The following CNTN5 variants were observed in gnomAD, a reference collection of about 807,000 sequenced individuals.
CNTN5 encodes contactin 5.
In CNTN5, 77 loss-of-function variants were observed where a neutral mutation model predicts 129.1. The ratio of observed to expected loss-of-function variants is 0.60; its 90% CI spans 0.50 to 0.72. The LOEUF (loss-of-function observed/expected upper bound fraction) is 0.72, where lower values mean the gene tolerates loss of function less well. CNTN5 is among the 30% of genes least tolerant of loss of function. The probability of loss-of-function intolerance (pLI) is 0.00; values close to 1 mark genes in which losing one functional copy is unlikely to be tolerated. For synonymous variants in CNTN5, 509 were observed against 465.6 expected (o/e 1.09, Z -1.20); for missense variants, 1,478 against 1,328.8 (o/e 1.11, Z -1.75).
chr11:99,834,488 C>T (rs1591279443), intron 4 of CNTN5, among the ~76,000 whole-genome samples: 2 of 152,182 alleles, frequency 1.3e-5, no homozygotes, highest in East Asian at 3.9e-4. Context: ...ATTGTGCCAG[C>T]CTGGATGACG....
intron 4 of CNTN5, among the ~76,000 whole-genome samples, chr11:99,827,577 G>GC (rs1947004452): frequency 6.6e-6 from 1 of 152,144 alleles, no homozygotes; most frequent in South Asian, 2.1e-4. Context: ...AGAAACATGA[G>GC]CAGCATATAG....
chr11:99,884,034 C>T (rs2135871168), intron 6 of CNTN5, among the ~76,000 whole-genome samples: 1 of 152,236 alleles, frequency 6.6e-6, no homozygotes, highest in South Asian at 2.1e-4. Context: ...CTTTAGTGTT[C>T]AAACAAGTTG....
chr11:99,598,551 T>C (rs1950217346), intron 3 of CNTN5, among the ~76,000 whole-genome samples: 1 of 151,394 alleles, frequency 6.6e-6, no homozygotes, highest in Non-Finnish European at 1.5e-5. Context: ...CTCCTTAATA[T>C]CTTAAGGGAG....
chr11:99,881,107 G>T (rs1238809635), intron 6 of CNTN5, among the ~76,000 whole-genome samples: 8 of 152,174 alleles, frequency 5.3e-5, no homozygotes, highest in Non-Finnish European at 1.2e-4. Flanking sequence ...CAGACAGATT[G>T]TGCAGTAGCA....
chr11:99,056,575 T>C (rs1167873093), intron 1 of CNTN5, among the ~76,000 whole-genome samples: 6 of 152,004 alleles, frequency 3.9e-5, no homozygotes, highest in Non-Finnish European at 7.4e-5. Flanking sequence ...TAATAATTTT[T>C]AGAAATGCCT....
chr11:99,601,807 C>T (rs1950320277), intron 3 of CNTN5, among the ~76,000 whole-genome samples: 1 of 152,164 alleles, frequency 6.6e-6, no homozygotes, highest in Non-Finnish European at 1.5e-5. Flanking sequence ...GGCAACTAGC[C>T]ATAAAAGACT....
intron 17 of CNTN5, among the ~76,000 whole-genome samples, chr11:100,263,987 C>T (rs1266364563): frequency 2.0e-5 from 3 of 152,102 alleles, no homozygotes; most frequent in Non-Finnish European, 2.9e-5. Context: ...ATCCATGCTT[C>T]GCTAGTTACA....
At chr11:99,871,129 A>T (rs1948493827) in intron 6 of CNTN5, among the ~76,000 whole-genome samples, 1 of 152,100 alleles carries the variant, frequency 6.6e-6, no homozygotes, top group African/African-American at 2.4e-5. Context: ...ACATGTTATT[A>T]CTATTGTTGA....
At chr11:99,806,786 G>A (rs554731919) in intron 3 of CNTN5, among the ~76,000 whole-genome samples, 1 of 141,246 alleles carries the variant, frequency 7.1e-6, no homozygotes, top group African/African-American at 2.7e-5. Flanking sequence ...CAGCCTGGGC[G>A]ACAGAGCAAG....
intron 16 of CNTN5, among the ~76,000 whole-genome samples, chr11:100,239,952 T>G (rs186196767): frequency 6.6e-6 from 1 of 152,360 alleles, no homozygotes; most frequent in Admixed American, 6.5e-5. Flanking sequence ...ATATAATTAT[T>G]TCTTTCATAC....
At chr11:99,101,700 C>G (rs1866741880) in intron 1 of CNTN5, among the ~76,000 whole-genome samples, 1 of 152,198 alleles carries the variant, frequency 6.6e-6, no homozygotes, top group South Asian at 2.1e-4. Context: ...GCTCCCATGA[C>G]CTTGGGCAGC....
intron 6 of CNTN5, among the ~76,000 whole-genome samples, chr11:99,909,435 A>G (rs1290820587): frequency 1.3e-5 from 2 of 152,132 alleles, no homozygotes; most frequent in African/African-American, 4.8e-5. Flanking sequence ...TAGAAATACC[A>G]TTTGACTCAA....
chr11:99,857,414 T>A (rs952606039), intron 6 of CNTN5, among the ~76,000 whole-genome samples: 1 of 152,120 alleles, frequency 6.6e-6, no homozygotes, highest in East Asian at 1.9e-4. Context: ...ATGAGAAGAA[T>A]GATTTCTTAG....
At chr11:99,455,361 G>A (rs961808849) in intron 2 of CNTN5, among the ~76,000 whole-genome samples, 1 of 151,746 alleles carries the variant, frequency 6.6e-6, no homozygotes, top group Non-Finnish European at 1.5e-5. Flanking sequence ...GACATTCAGT[G>A]GGCAACTAGA....
chr11:100,122,624 G>A (rs1193929814), intron 13 of CNTN5, among the ~76,000 whole-genome samples: 2 of 152,004 alleles, frequency 1.3e-5, no homozygotes, highest in Non-Finnish European at 2.9e-5. Flanking sequence ...TGGGGAGGAT[G>A]CTCTTAAGCA....
intron 1 of CNTN5, among the ~76,000 whole-genome samples, chr11:99,217,354 G>A (rs1860182631): frequency 6.6e-6 from 1 of 152,106 alleles, no homozygotes; most frequent in African/African-American, 2.4e-5. Flanking sequence ...AATTATCAGA[G>A]AATGCTGATC....
rs562285600 is a variant in CNTN5, at chr11:100,318,730, C to T, written c.2730+10262C>T. On this transcript the variant is annotated intron_variant, in intron 21 of 24. Coordinates refer to ENST00000524871, the MANE Select transcript of CNTN5 (RefSeq NM_014361.4). ...ACAATGTACTTGTGATAGAGGAGTACTAAATCTATGAGTGTTGCACAGATA... is the reference window on the plus strand; with the variant it reads ...ACAATGTACTTGTGATAGAGGAGTATTAAATCTATGAGTGTTGCACAGATA... 2.0e-5 allele frequency among the ~76,000 whole-genome samples: 3 copies of T among 152,222 alleles called. No individual in the cohort carries two copies. The East Asian group carries it at 5.8e-4, about 29-fold the overall frequency.
At chr11:99,310,423 C>T in intron 1 of CNTN5, among the ~76,000 whole-genome samples, 1 of 151,184 alleles carries the variant, frequency 6.6e-6, no homozygotes, top group African/African-American at 2.4e-5. Flanking sequence ...ATCAATAAAA[C>T]ACTCTTAAAT....
intron 4 of CNTN5, among the ~76,000 whole-genome samples, chr11:99,826,523 G>T (rs76453293): frequency 1.3e-5 from 2 of 152,122 alleles, no homozygotes; most frequent in Non-Finnish European, 2.9e-5. Flanking sequence ...TAGAATAGAG[G>T]CATCAAATTT....
Sources: gnomAD v4.1 joint callset for allele counts (sites outside exome capture counted in the v4.1 genomes callset) on GRCh38, gnomAD v4.1.1 for gene constraint, MANE v1.5 for transcripts, NCBI Gene and HGNC (gene_info 2026-07-23, HGNC 2026-07-21) for gene names.